The following RBPMS variants were observed in gnomAD, a reference collection of about 807,000 sequenced individuals.
The protein encoded by RBPMS is RNA-binding protein with multiple splicing.
RBPMS carries 7 observed loss-of-function variants against 26.8 expected under a neutral mutation model. The ratio of observed to expected loss-of-function variants is 0.26; its 90% CI spans 0.15 to 0.49. The LOEUF is 0.49. Ranked by LOEUF, RBPMS falls within the 20% of genes least tolerant of loss-of-function variation. The probability of loss-of-function intolerance (pLI) is 0.98; values close to 1 mark genes in which losing one functional copy is unlikely to be tolerated. For synonymous variants in RBPMS, 96 were observed against 93.3 expected (o/e 1.03, Z -0.17); for missense variants, 186 against 250.0 (o/e 0.74, Z 1.73).
rs537527672 is a variant in RBPMS at position 30,546,037 on chromosome 8, A to G, written c.528+1413A>G. 9.2e-5 allele frequency among the ~76,000 whole-genome samples: 14 copies of G among 152,300 alleles called. No individual in the cohort carries two copies. The South Asian group carries it at 2.9e-3, about 32-fold the overall frequency. ...TTGGGAACCCTCACAACTGGCAGGT[A>G]ACGGGGTCGGGATAAAATGTAAACC... On this transcript the variant is annotated intron_variant, in intron 6 of 8. Coordinates refer to ENST00000397323, the MANE Select transcript of RBPMS (RefSeq NM_001008710.3).
chr8:30,388,066 C>T (rs546623446), intron 1 of RBPMS, among the ~76,000 whole-genome samples: 3 of 152,088 alleles, frequency 2.0e-5, no homozygotes, highest in African/African-American at 4.8e-5. Context: ...TTTAACTTTC[C>T]GATTTTTAAT....
intron 5 of RBPMS, among the ~76,000 whole-genome samples, chr8:30,525,722 C>G (rs1456327274): frequency 6.6e-6 from 1 of 152,194 alleles, no homozygotes; most frequent in Non-Finnish European, 1.5e-5. Flanking sequence ...GTAGGTGACT[C>G]TAGTACAGAG....
intron 6 of RBPMS, among the ~76,000 whole-genome samples, chr8:30,550,394 C>A (rs1486726191): frequency 6.6e-6 from 1 of 152,178 alleles, no homozygotes; most frequent in African/African-American, 2.4e-5. Flanking sequence ...TAAGAGAATG[C>A]CCGGCATATT....
intron 7 of RBPMS, chr8:30,564,522 A>G (rs2151093338): frequency 6.6e-6 from 1 of 152,364 alleles, no homozygotes; most frequent in African/African-American, 2.4e-5. Flanking sequence ...TCTAGCCACC[A>G]CTGTCCTCCG....
At chr8:30,500,203 C>T (rs1820403316) in intron 4 of RBPMS, among the ~76,000 whole-genome samples, 1 of 152,110 alleles carries the variant, frequency 6.6e-6, no homozygotes, top group Admixed American at 6.6e-5. Flanking sequence ...CTCACCCCTA[C>T]CACTAAGTTG....
chr8:30,468,574 A>G (rs1240357421), intron 1 of RBPMS, among the ~76,000 whole-genome samples: 1 of 152,162 alleles, frequency 6.6e-6, no homozygotes, highest in African/African-American at 2.4e-5. Flanking sequence ...ACAAGCAAAT[A>G]TGTATATCTC....
chr8:30,455,611 C>T (rs1310315920), intron 1 of RBPMS, among the ~76,000 whole-genome samples: 4 of 152,064 alleles, frequency 2.6e-5, no homozygotes, highest in Non-Finnish European at 4.4e-5. Context: ...CAATGCAGGC[C>T]GGGCGTGGGA....
At chr8:30,523,471 T>C (rs1421083480) in intron 5 of RBPMS, among the ~76,000 whole-genome samples, 2 of 151,836 alleles carry the variant, frequency 1.3e-5, no homozygotes, top group East Asian at 3.9e-4. Context: ...TAATATACTT[T>C]AAAATGTGTT....
At chr8:30,517,691 G>T (rs978324975) in intron 5 of RBPMS, among the ~76,000 whole-genome samples, 1 of 151,948 alleles carries the variant, frequency 6.6e-6, no homozygotes, top group East Asian at 1.9e-4. Context: ...GAGGAAACAG[G>T]CCTGTAAGGA....
chr8:30,545,997 T>TA (rs1178635656), intron 6 of RBPMS, among the ~76,000 whole-genome samples: 1 of 152,210 alleles, frequency 6.6e-6, no homozygotes, highest in African/African-American at 2.4e-5. Context: ...TTTCTTCCTT[T>TA]TTCCATGTCA....
intron 6 of RBPMS, among the ~76,000 whole-genome samples, chr8:30,550,602 TG>T (rs1470424318): frequency 6.6e-6 from 1 of 152,102 alleles, no homozygotes; most frequent in African/African-American, 2.4e-5. Context: ...TGGAGCCAAA[TG>T]GAAGACTGGA....
chr8:30,558,901 T>C lies in RBPMS; in HGVS notation c.543T>C (p.Pro181=). The change falls in exon 7 of 9, where the codon CCT becomes CCC. Residue 181 remains proline (P), a synonymous_variant. Transcript: ENST00000397323. ...TGTCTTTTCAGATGCGCTGGCTCCCTCCCTCCGAGGCTACTTCTCAGGGCT... is the reference window on the plus strand; with the variant it reads ...TGTCTTTTCAGATGCGCTGGCTCCCCCCCTCCGAGGCTACTTCTCAGGGCT... The part of the protein sequence containing the change: ...ASLHAQMRWL[P]PSEATSQGWK... 6.2e-7 allele frequency: 1 copy of C among 1,614,128 alleles called. No homozygotes were observed.
intron 1 of RBPMS, among the ~76,000 whole-genome samples, chr8:30,470,203 G>C (rs1460947412): frequency 2.6e-5 from 4 of 152,110 alleles, no homozygotes; most frequent in Non-Finnish European, 5.9e-5. Flanking sequence ...GGCCAACATG[G>C]TGAAACCCCA....
intron 1 of RBPMS, among the ~76,000 whole-genome samples, chr8:30,388,382 C>A (rs1000434677): frequency 3.3e-5 from 5 of 150,764 alleles, no homozygotes; most frequent in Admixed American, 2.6e-4. Context: ...TATATCAAGA[C>A]CTTTTCTGTC....
intron 1 of RBPMS, among the ~76,000 whole-genome samples, chr8:30,413,183 A>AT (rs1809652016): frequency 6.6e-6 from 1 of 152,126 alleles, no homozygotes; most frequent in Admixed American, 6.5e-5. Context: ...GGTTCAAGTG[A>AT]TTCTCCTGCC....
intron 6 of RBPMS, chr8:30,545,192 TAGTGTCTA>T (rs1263865388): frequency 7.7e-7 from 1 of 1,294,106 alleles, no homozygotes; most frequent in Non-Finnish European, 1.0e-6. Flanking sequence ...AGATACAAGA[TAGTGTCTA>T]AGATGGAATT....
intron 1 of RBPMS, among the ~76,000 whole-genome samples, chr8:30,408,576 A>G (rs1382152706): frequency 1.3e-5 from 2 of 152,160 alleles, no homozygotes; most frequent in Admixed American, 6.6e-5. Context: ...AATCAGTTGC[A>G]TGGAAAAACA....
intron 4 of RBPMS, among the ~76,000 whole-genome samples, chr8:30,499,447 C>T (rs1820325449): frequency 2.0e-5 from 3 of 152,060 alleles, no homozygotes; most frequent in Non-Finnish European, 4.4e-5. Flanking sequence ...AAAGGGAAAA[C>T]AGCATCTTTA....
intron 5 of RBPMS, among the ~76,000 whole-genome samples, chr8:30,525,027 T>C (rs769953462): frequency 6.6e-5 from 10 of 152,198 alleles, no homozygotes; most frequent in Non-Finnish European, 1.0e-4. Flanking sequence ...TGATGTGTCA[T>C]TAAAAGTTAT....
Sources: gnomAD v4.1 joint callset for allele counts (sites outside exome capture counted in the v4.1 genomes callset) on GRCh38, gnomAD v4.1.1 for gene constraint, MANE v1.5 for transcripts, NCBI Gene and HGNC (gene_info 2026-07-23, HGNC 2026-07-21) for gene names.